The following YEATS4 variants were observed in gnomAD, a reference collection of about 807,000 sequenced individuals.
YEATS4 encodes the protein YEATS domain containing 4, also known as YEATS domain-containing protein 4.
Under a neutral mutation model 30.1 loss-of-function variants are expected in YEATS4, and 17 were observed. The ratio of observed to expected loss-of-function variants is 0.56; its 90% confidence interval spans 0.39 to 0.85. The LOEUF is 0.85. Ranked by LOEUF, YEATS4 falls within the 40% of genes least tolerant of loss-of-function variation. The pLI is 0.00. For synonymous variants in YEATS4, 85 were observed against 87.5 expected, an observed-to-expected ratio of 0.97 and a Z score of 0.16; for missense variants, 142 against 268.3, an observed-to-expected ratio of 0.53 and a Z score of 3.29.
the YEATS4 span, among the ~76,000 whole-genome samples, chr12:69,413,858 AAAAAAGAAAAAG>A: frequency 6.7e-6 from 1 of 149,034 alleles, no homozygotes; most frequent in African/African-American, 2.4e-5. Flanking sequence ...TCAAAAAAAA[AAAAAAGAAAAAG>A]AAAAAGAAAA....
At chr12:69,402,016 T>TTC in the YEATS4 span, among the ~76,000 whole-genome samples, 1 of 152,186 alleles carries the variant, frequency 6.6e-6, no homozygotes, top group Non-Finnish European at 1.5e-5. Flanking sequence ...GACGGTAAGC[T>TTC]TTTTGGTGAA....
Position 69,359,806 on chromosome 12 carries a change from A to G in YEATS4, c.-167A>G. On this transcript the variant is annotated 5_prime_UTR_variant, in exon 1 of 7. Coordinates refer to ENST00000247843, the MANE Select transcript of YEATS4 (RefSeq NM_006530.4). ...GGCCTTCAGGAGCACAGTCGGCCTGAGGAGTTGACGGTTACTCACCGCCGT... is the reference window on the plus strand; with the variant it reads ...GGCCTTCAGGAGCACAGTCGGCCTGGGGAGTTGACGGTTACTCACCGCCGT... The G allele has an allele frequency of 1.4e-6, 1 of 726,020 alleles. No homozygotes were observed. Among genetic ancestry groups the G allele is most frequent in the South Asian group, 1.9e-5 (1 of 52,718 alleles). 45.0% of individuals were successfully genotyped at this position (726,020 alleles called of 1,614,324 possible).
At chr12:69,389,653 A>G (rs1868293109) in intron 6 of YEATS4, among the ~76,000 whole-genome samples, 1 of 150,684 alleles carries the variant, frequency 6.6e-6, no homozygotes, top group Admixed American at 6.6e-5. Context: ...AGCTGGGATT[A>G]CAGGTGTGCA....
chr12:69,362,514 A>T (rs890097894), intron 1 of YEATS4, among the ~76,000 whole-genome samples: 3 of 152,230 alleles, frequency 2.0e-5, no homozygotes, highest in African/African-American at 7.2e-5. Flanking sequence ...GTTTAAGAAA[A>T]GGCCTTTTGC....
At chr12:69,360,456 CTG>C (rs1875152105) in intron 1 of YEATS4, among the ~76,000 whole-genome samples, 1 of 152,178 alleles carries the variant, frequency 6.6e-6, no homozygotes, top group South Asian at 2.1e-4. Flanking sequence ...AGTGCGGTAA[CTG>C]AGACACCGAG....
At chr12:69,413,782 G>A in the YEATS4 span, among the ~76,000 whole-genome samples, 1 of 150,780 alleles carries the variant, frequency 6.6e-6, no homozygotes, top group African/African-American at 2.4e-5. Context: ...AACCCAGGAA[G>A]CAGAGGTTGC....
At chr12:69,367,562 C>A (rs1169214927) in intron 4 of YEATS4, among the ~76,000 whole-genome samples, 2 of 152,094 alleles carry the variant, frequency 1.3e-5, no homozygotes, top group Non-Finnish European at 2.9e-5. Context: ...GATAGGGGCT[C>A]GCCATGTTGC....
intron 4 of YEATS4, among the ~76,000 whole-genome samples, chr12:69,367,610 C>T (rs2120932256): frequency 6.6e-6 from 1 of 152,328 alleles, no homozygotes; most frequent in South Asian, 2.1e-4. Context: ...AAGCATTCCT[C>T]TCGCCTTGCC....
the YEATS4 span, among the ~76,000 whole-genome samples, chr12:69,408,918 T>C: frequency 6.6e-6 from 1 of 152,184 alleles, no homozygotes; most frequent in Non-Finnish European, 1.5e-5. Flanking sequence ...TGCCATAATA[T>C]TTAGAAACTA....
intron 1 of YEATS4, chr12:69,361,583 G>C (rs1312751735): frequency 1.3e-5 from 2 of 152,292 alleles, no homozygotes; most frequent in Non-Finnish European, 2.9e-5. Context: ...GAGCCACCGT[G>C]CCTGGCCGCT....
At chr12:69,364,618 T>C (rs1414702862) in intron 2 of YEATS4, among the ~76,000 whole-genome samples, 1 of 152,166 alleles carries the variant, frequency 6.6e-6, no homozygotes, top group Non-Finnish European at 1.5e-5. Flanking sequence ...CTTTATGTAA[T>C]ATAATTTTTT....
chr12:69,407,928 C>T, the YEATS4 span, among the ~76,000 whole-genome samples: 5 of 152,000 alleles, frequency 3.3e-5, no homozygotes, highest in African/African-American at 1.2e-4. Flanking sequence ...GTTGGTCAGG[C>T]TGGTCTCGAA....
At chr12:69,419,006 A>G in the YEATS4 span, among the ~76,000 whole-genome samples, 1 of 113,596 alleles carries the variant, frequency 8.8e-6, no homozygotes, top group Admixed American at 1.1e-4. Context: ...TACATATATA[A>G]TTTAAGCCAT....
intron 6 of YEATS4, among the ~76,000 whole-genome samples, chr12:69,375,332 A>G (rs1875819630): frequency 6.9e-6 from 1 of 145,034 alleles, no homozygotes; most frequent in African/African-American, 2.6e-5. Flanking sequence ...CGCTCCCCAC[A>G]TCCCAGAGGA....
intron 2 of YEATS4, chr12:69,364,151 G>A (rs645026): frequency 0.74 from 328,669 of 445,598 alleles, 122,443 homozygotes; most frequent in African/African-American, 0.91. Flanking sequence ...GAGACTCTGT[G>A]AATATAACTA....
intron 6 of YEATS4, among the ~76,000 whole-genome samples, chr12:69,382,946 C>T (rs1160157448): frequency 6.6e-6 from 1 of 152,078 alleles, no homozygotes; most frequent in African/African-American, 2.4e-5. Context: ...CTTGGAGGAA[C>T]AGGTTTTTGC....
At chr12:69,400,672 A>AC in the YEATS4 span, among the ~76,000 whole-genome samples, 1,130 of 149,890 alleles carry the variant, frequency 7.5e-3, 22 homozygotes, top group African/African-American at 0.025. Context: ...ACATAGCAAG[A>AC]CCCCCCCGCC....
intron 6 of YEATS4, among the ~76,000 whole-genome samples, chr12:69,388,039 A>AATTTTTTT (rs1555176417): frequency 9.3e-6 from 1 of 108,050 alleles, no homozygotes; most frequent in Non-Finnish European, 2.1e-5. Context: ...ATATTCATTG[A>AATTTTTTT]ATTTTTTTAT....
chr12:69,387,007 C>A (rs932311196), intron 6 of YEATS4, among the ~76,000 whole-genome samples: 14 of 152,112 alleles, frequency 9.2e-5, no homozygotes, highest in Non-Finnish European at 1.8e-4. Flanking sequence ...CACCCCACCC[C>A]CCAAAAAAAT....
Sources: allele counts gnomAD v4.1 joint callset (sites outside exome capture counted in the v4.1 genomes callset), GRCh38; gene constraint gnomAD v4.1.1; transcripts MANE v1.5; gene names NCBI Gene and HGNC (gene_info 2026-07-23, HGNC 2026-07-21).